The following DOCK11 variants were observed in gnomAD, a reference collection of about 807,000 sequenced individuals.
DOCK11 encodes dedicator of cytokinesis 11.
Under a neutral mutation model 169.1 loss-of-function variants are expected in DOCK11, and 70 were observed. The observed-to-expected ratio is 0.41, with a 90% CI of 0.34 to 0.51. The LOEUF is 0.51. Ranked by LOEUF, DOCK11 falls within the 20% of genes least tolerant of loss-of-function variation. The pLI is 0.10. For missense variants in DOCK11, 1,166 were observed against 1,538.8 expected (o/e 0.76, Z 4.05); for synonymous variants, 529 against 541.3 (o/e 0.98, Z 0.32).
Position 118,681,132 on chromosome X carries a change from G to A in DOCK11, c.5746G>A (p.Asp1916Asn), listed in dbSNP as rs963668282. ...ACAGCAGATTAATTTAAAACCAATT[G>A]ATGTTGCCACTGATGAAATAAAAGA... is the stretch of plus-strand genomic sequence containing the variant. Reference protein sequence around the residue: ...CEQQINLKPIDVATDEIKDKT... With the variant: ...CEQQINLKPINVATDEIKDKT... The change falls in exon 50 of 53, where the codon GAT becomes AAT. Residue 1916 changes from aspartate to asparagine, a missense_variant. Transcript: ENST00000276202. 45 of 1,205,778 alleles carry A rather than the reference G, an allele frequency of 3.7e-5. No individual in the cohort carries two copies. The highest frequency in any genetic ancestry group is 4.7e-5 in the Non-Finnish European group (42 of 892,888).
chrX:118,550,849 G>A (rs1254229277), intron 6 of DOCK11, among the ~76,000 whole-genome samples: 1 of 112,443 alleles, frequency 8.9e-6, no homozygotes, highest in African/African-American at 3.2e-5. Flanking sequence ...AGGGTTGACA[G>A]AGTTTGAGAG....
At chrX:118,520,633 G>A (rs926944589) in intron 1 of DOCK11, among the ~76,000 whole-genome samples, 1 of 111,429 alleles carries the variant, frequency 9.0e-6, no homozygotes, top group Non-Finnish European at 1.9e-5. Flanking sequence ...GTCTGGGTTC[G>A]CCTTTGCCTT....
chrX:118,549,359 G>A (rs1015982742), intron 6 of DOCK11, among the ~76,000 whole-genome samples: 14 of 108,825 alleles, frequency 1.3e-4, no homozygotes, highest in African/African-American at 4.4e-4. Context: ...GGCCAGGCTC[G>A]TCTCGAACTC....
At chrX:118,523,941 C>T (rs959453883) in intron 1 of DOCK11, among the ~76,000 whole-genome samples, 2 of 111,323 alleles carry the variant, frequency 1.8e-5, no homozygotes, top group African/African-American at 6.5e-5. Context: ...TCAAGCATTC[C>T]TCTCCATTCA....
Position 118,542,648 on chromosome X carries a change from T to C in DOCK11, c.103-77T>C. On this transcript the variant is annotated intron_variant, in intron 1 of 52. Coordinates refer to ENST00000276202, the MANE Select transcript of DOCK11 (RefSeq NM_144658.4). Reference sequence around the variant, plus strand: ...AGTAATCCCTTCCTTTGAGAAGTAATGTATCTTTAGTACATAGAAAGTTAT... The same window carrying C: ...AGTAATCCCTTCCTTTGAGAAGTAACGTATCTTTAGTACATAGAAAGTTAT... The C allele has an allele frequency of 4.2e-6, 3 of 711,149 alleles. No individual in the cohort carries two copies. In the East Asian group the frequency reaches 9.6e-5, roughly 23 times the overall value. The allele number at this position is 711,149 out of a possible 1,213,427, so 58.6% of individuals were successfully genotyped here.
At chrX:118,616,583 T>G (rs1327354533) in intron 30 of DOCK11, among the ~76,000 whole-genome samples, 1 of 110,009 alleles carries the variant, frequency 9.1e-6, no homozygotes, top group Admixed American at 9.8e-5. Context: ...TCTCTCAGGC[T>G]TGCCTCTCTC....
At chrX:118,568,022 G>A in intron 9 of DOCK11, 57 bp from the exon 10 acceptor site, 1 of 615,872 alleles carries the variant, frequency 1.6e-6, no homozygotes, top group Non-Finnish European at 2.5e-6. Context: ...CATTTAAATA[G>A]TATTTAACAC....
chrX:118,500,306 T>C (rs12857170), intron 1 of DOCK11, among the ~76,000 whole-genome samples: 10,203 of 110,655 alleles, frequency 0.092, 396 homozygotes, highest in African/African-American at 0.12. Context: ...CCTCGGTCTC[T>C]CAAAGTGCTG....
intron 20 of DOCK11, among the ~76,000 whole-genome samples, chrX:118,595,843 C>T (rs1200037540): frequency 1.8e-5 from 2 of 111,186 alleles, no homozygotes; most frequent in Non-Finnish European, 3.8e-5. Context: ...ATTTACAGTA[C>T]AAAAATGTTG....
chrX:118,542,649 G>A (rs2012068012), intron 1 of DOCK11, 76 bp from the exon 2 acceptor site: 2 of 711,697 alleles, frequency 2.8e-6, no homozygotes, highest in African/African-American at 2.1e-5. Context: ...GAGAAGTAAT[G>A]TATCTTTAGT....
At chrX:118,627,609 G>GCGTGGGTGTT (rs751333264) in intron 33 of DOCK11, 30 bp downstream of exon 33, 1 of 1,072,978 alleles carries the variant, frequency 9.3e-7, no homozygotes, top group African/African-American at 1.8e-5. Flanking sequence ...ATGATACATT[G>GCGTGGGTGTT]CGTGGGTGTT....
intron 1 of DOCK11, among the ~76,000 whole-genome samples, chrX:118,526,735 C>T (rs1157596381): frequency 8.9e-6 from 1 of 112,317 alleles, no homozygotes; most frequent in East Asian, 2.8e-4. Context: ...TTAAACATTT[C>T]AATTGGCTTT....
chrX:118,606,454 G>A (rs2014505819), intron 24 of DOCK11, among the ~76,000 whole-genome samples: 1 of 112,462 alleles, frequency 8.9e-6, no homozygotes, highest in Admixed American at 9.4e-5. Context: ...AACAGAATGT[G>A]GCCCCAAGCC....
chrX:118,657,707 G>C (rs191940233), intron 44 of DOCK11, among the ~76,000 whole-genome samples: 92 of 111,698 alleles, frequency 8.2e-4, no homozygotes, highest in African/African-American at 2.8e-3. Flanking sequence ...AACGTAAACT[G>C]AGTATTATTC....
intron 1 of DOCK11, among the ~76,000 whole-genome samples, chrX:118,529,448 T>A (rs2011458406): frequency 8.9e-6 from 1 of 112,518 alleles, no homozygotes; most frequent in African/African-American, 3.2e-5. Flanking sequence ...CCCTAATGTT[T>A]GCCTTTCAGT....
chrX:118,616,552 T>TG (rs2014820924), intron 30 of DOCK11, among the ~76,000 whole-genome samples: 1 of 110,205 alleles, frequency 9.1e-6, no homozygotes, highest in Non-Finnish European at 1.9e-5. Context: ...TTGTTTTTGT[T>TG]TTTTTTTTGT....
At chrX:118,610,507 A>G in intron 28 of DOCK11, 89 bp downstream of exon 28, 1 of 1,032,561 alleles carries the variant, frequency 9.7e-7, no homozygotes, top group Non-Finnish European at 1.3e-6. Flanking sequence ...CTAGAGGCTC[A>G]GCTAGGTCTT....
intron 45 of DOCK11, 55 bp downstream of exon 45, chrX:118,662,847 C>G: frequency 2.8e-6 from 2 of 709,815 alleles, no homozygotes; most frequent in Non-Finnish European, 2.2e-6. Flanking sequence ...TCTTAAAATT[C>G]ATATATATTA....
At chrX:118,672,618 G>T (rs575394747) in intron 46 of DOCK11, among the ~76,000 whole-genome samples, 2 of 112,168 alleles carry the variant, frequency 1.8e-5, no homozygotes, top group African/African-American at 6.5e-5. Flanking sequence ...TGTATTTTTA[G>T]TAGAGGCAGG....
Sources: allele counts gnomAD v4.1 joint callset (sites outside exome capture counted in the v4.1 genomes callset), GRCh38; gene constraint gnomAD v4.1.1; transcripts MANE v1.5; gene names NCBI Gene and HGNC (gene_info 2026-07-23, HGNC 2026-07-21).